Variants in REL observed in about 807,000 individuals in gnomAD.
The protein encoded by REL is REL proto-oncogene, NF-kB subunit, also known as proto-oncogene c-Rel.
REL carries 15 observed loss-of-function variants against 45.9 expected under a neutral mutation model. The observed-to-expected ratio is 0.33, with a 90% confidence interval of 0.22 to 0.50. The LOEUF is 0.50. Ranked by LOEUF, REL falls within the 20% of genes least tolerant of loss-of-function variation. The pLI, the probability that REL is intolerant of heterozygous loss-of-function variation, is 0.98. For synonymous variants in REL, 239 were observed against 242.1 expected (o/e 0.99, Z 0.12); for missense variants, 601 against 715.2 (o/e 0.84, Z 1.82).
intron 2 of REL, among the ~76,000 whole-genome samples, chr2:60,892,629 C>A (rs1282239186): frequency 6.6e-6 from 1 of 151,858 alleles, no homozygotes; most frequent in Non-Finnish European, 1.5e-5. Flanking sequence ...GGGGTTTCAC[C>A]ATGTTGGCCA....
intron 4 of REL, among the ~76,000 whole-genome samples, chr2:60,914,410 T>G (rs1417337526): frequency 6.6e-6 from 1 of 152,246 alleles, no homozygotes; most frequent in Non-Finnish European, 1.5e-5. Flanking sequence ...AACAGTGATT[T>G]TTTTTGAGAA....
chr2:60,899,950 T>G (rs1452158783), intron 3 of REL: 2 of 152,290 alleles, frequency 1.3e-5, no homozygotes, highest in Non-Finnish European at 2.9e-5. Context: ...CTTTATATAA[T>G]GTGGCACAAA....
rs199760301 is a variant in REL, at chr2:60,908,358, CT to C, written c.394+7278del. ...CCAACTAGTGTGTTTTAAGGCCGGC[CT>C]TTATCTTTCTTGCCATTTGTTCTTT... On this transcript the variant is annotated intron_variant, in intron 4 of 9. Coordinates refer to ENST00000394479, the MANE Select transcript of REL (RefSeq NM_001291746.2). Among the ~76,000 whole-genome samples, 226 of 152,262 alleles carry C rather than the reference CT, an allele frequency of 1.5e-3. 3 individuals are homozygous for C. The East Asian group carries it at 0.038, about 26-fold the overall frequency.
chr2:60,916,845 T>C, intron 4 of REL, 32 bp from the exon 5 acceptor site: 1 of 1,564,232 alleles, frequency 6.4e-7, no homozygotes, highest in South Asian at 1.1e-5. Context: ...TATGTGACTA[T>C]TACATTTAAA....
At chr2:60,902,760 T>C (rs1673532177) in intron 4 of REL, among the ~76,000 whole-genome samples, 1 of 151,982 alleles carries the variant, frequency 6.6e-6, no homozygotes, top group South Asian at 2.1e-4. Flanking sequence ...AGCTAGTTTT[T>C]GTATTTTTTG....
chr2:60,901,549 T>C (rs1363606397), intron 4 of REL, among the ~76,000 whole-genome samples: 2 of 152,226 alleles, frequency 1.3e-5, no homozygotes, highest in African/African-American at 4.8e-5. Flanking sequence ...ACGTATACTA[T>C]TTAAAATAGT....
In REL at chr2:60,881,780, T is replaced by A. The variant is rs1224204459; in HGVS notation, c.-61T>A. On this transcript the variant is annotated 5_prime_UTR_variant, in exon 1 of 10. Coordinates refer to ENST00000394479, the MANE Select transcript of REL (RefSeq NM_001291746.2). ...TCCCTCGGCCTCCTGACTGACTGAC[T>A]GCGGCCGCCTCCGGCCAGGACGCTG... The A allele has an allele frequency of 4.0e-6, 6 of 1,510,758 alleles. No homozygotes were observed. In the Admixed American group the frequency reaches 8.0e-5, roughly 20 times the overall value. The allele number at this position is 1,510,758 out of a possible 1,614,324, so 93.6% of individuals were successfully genotyped here. A position where few individuals can be genotyped will look rare whatever the true frequency, so the allele number is the denominator to read the frequency against.
In REL at chr2:60,896,208, C is replaced by T. The variant is rs1673343151; in HGVS notation, c.302+1663C>T. ...TAAACCATTAGAGACAGGGTTTCAC[C>T]ATGTTGGCTGGGCTGGTCTCGAATT... On this transcript the variant is annotated intron_variant, in intron 3 of 9. Transcript: ENST00000394479. Among the ~76,000 whole-genome samples the T allele has an allele frequency of 2.0e-5, 3 of 152,160 alleles. No homozygotes were observed. The Middle Eastern group carries it at 0.01, about 518-fold the overall frequency.
chr2:60,883,198 T>C (rs1672991004), intron 1 of REL, among the ~76,000 whole-genome samples: 1 of 152,172 alleles, frequency 6.6e-6, no homozygotes, highest in South Asian at 2.1e-4. Context: ...ATCCCCAAAC[T>C]GCCTGGTCCA....
chr2:60,886,413 C>T (rs112025857), intron 1 of REL, among the ~76,000 whole-genome samples: 181 of 152,220 alleles, frequency 1.2e-3, no homozygotes, highest in African/African-American at 4.2e-3. Context: ...TCAGTTATTA[C>T]CTCCAGTTGC....
At chr2:60,894,248 T>C in intron 2 of REL, 149 bp from the exon 3 acceptor site, 1 of 439,920 alleles carries the variant, frequency 2.3e-6, no homozygotes, top group Non-Finnish European at 4.0e-6. Context: ...CTCTGGAAAG[T>C]TTCATCTAAA....
intron 1 of REL, among the ~76,000 whole-genome samples, chr2:60,883,565 A>G (rs1319606807): frequency 1.3e-5 from 2 of 152,224 alleles, no homozygotes; most frequent in African/African-American, 2.4e-5. Flanking sequence ...GAGAATGCCT[A>G]GCATTATAAG....
At position 60,920,661 on chromosome 2, in the gene REL, C is replaced by T; in HGVS notation, c.991+19C>T. Reference sequence around the variant, plus strand: ...AAAAAAGGTATTTTATTTCCTATAGCATATTTCTTGTGATCAGAAAGACCA... The same window carrying T: ...AAAAAAGGTATTTTATTTCCTATAGTATATTTCTTGTGATCAGAAAGACCA... On this transcript the variant is annotated intron_variant, in intron 9 of 9. Transcript: ENST00000394479. 1.4e-6 allele frequency: 2 copies of T among 1,480,650 alleles called. No homozygotes were observed. Among genetic ancestry groups the T allele is most frequent in the East Asian group, 2.3e-5 (1 of 44,168 alleles). 91.7% of individuals were successfully genotyped at this position (1,480,650 alleles called of 1,614,324 possible). A position where few individuals can be genotyped will look rare whatever the true frequency, so the allele number is the denominator to read the frequency against.
chr2:60,928,961 C>G lies in REL; in HGVS notation c.*6426C>G, dbSNP rs1360045820. 8.7e-4 allele frequency: 130 copies of G among 148,934 alleles called. No individual in the cohort carries two copies. The highest frequency in any genetic ancestry group is 3.0e-3 in the African/African-American group (123 of 41,122). 9.2% of individuals were successfully genotyped at this position (148,934 alleles called of 1,614,324 possible). A position where few individuals can be genotyped will look rare whatever the true frequency, so the allele number is the denominator to read the frequency against. On this transcript the variant is annotated 3_prime_UTR_variant, in exon 10 of 10. Transcript: ENST00000394479. ...GCTAATATCCAGAATCTACAATGAA[C>G]TCAAACAAATTTACAAGAAAAAAAC...
chr2:60,918,124 C>A, intron 5 of REL, 67 bp from the exon 6 acceptor site: 1 of 919,180 alleles, frequency 1.1e-6, no homozygotes. Context: ...TCAAATTCTT[C>A]CCTGCAAAAA....
chr2:60,897,913 T>G (rs374424563), intron 3 of REL, among the ~76,000 whole-genome samples: 2 of 151,700 alleles, frequency 1.3e-5, no homozygotes, highest in African/African-American at 4.8e-5. Context: ...CCAAACGTGA[T>G]TTTACTGTGA....
intron 1 of REL, among the ~76,000 whole-genome samples, chr2:60,891,292 T>C (rs1673204424): frequency 6.6e-6 from 1 of 152,220 alleles, no homozygotes; most frequent in African/African-American, 2.4e-5. Flanking sequence ...GAGTGTGATA[T>C]TTTACTTCTG....
chr2:60,894,851 C>CTTTTTTTTT (rs558726227), intron 3 of REL, among the ~76,000 whole-genome samples: 2 of 106,760 alleles, frequency 1.9e-5, no homozygotes, highest in African/African-American at 3.6e-5. Flanking sequence ...TTCACTCTGT[C>CTTTTTTTTT]TTTTTTTTTT....
chr2:60,920,045 TTACGGC>T lies in REL; in HGVS notation c.859_864del (p.Tyr287_Gly288del). 1 of 1,607,718 alleles carries T rather than the reference TTACGGC, an allele frequency of 6.2e-7. No homozygotes were observed. Among genetic ancestry groups the T allele is most frequent in the Non-Finnish European group, 8.5e-7 (1 of 1,175,678 alleles). ...TCCTGGTTTCTTTCTAATCAGATAC[TTACGGC>T]AATAAAGCAAAGAAACAAAAGACAA... On this transcript the variant is annotated inframe_deletion, in exon 8 of 10. Transcript: ENST00000394479.
Sources: gnomAD v4.1 joint callset for allele counts (sites outside exome capture counted in the v4.1 genomes callset) on GRCh38, gnomAD v4.1.1 for gene constraint, MANE v1.5 for transcripts, NCBI Gene and HGNC (gene_info 2026-07-23, HGNC 2026-07-21) for gene names.